The following PPFIA2 variants were observed in gnomAD, a reference collection of about 807,000 sequenced individuals.
PPFIA2 encodes the protein liprin-alpha-2.
Under a neutral mutation model 175.5 loss-of-function variants are expected in PPFIA2, and 46 were observed. That is an observed-to-expected ratio of 0.26 (90% CI 0.21 to 0.34). The LOEUF is 0.34. PPFIA2 is among the 10% of genes least tolerant of loss of function. The pLI is 1.00. For synonymous variants in PPFIA2, 568 were observed against 511.4 expected, an observed-to-expected ratio of 1.11 and a Z score of -1.49; for missense variants, 1,179 against 1,506.1, an observed-to-expected ratio of 0.78 and a Z score of 3.60.
intron 4 of PPFIA2, among the ~76,000 whole-genome samples, chr12:81,659,792 G>A (rs907054196): frequency 6.6e-6 from 1 of 152,154 alleles, no homozygotes; most frequent in Non-Finnish European, 1.5e-5. Context: ...TAGCCTAACT[G>A]GGAGGCACCC....
intron 17 of PPFIA2, among the ~76,000 whole-genome samples, chr12:81,352,434 ATCTC>A (rs749637858): frequency 1.1e-4 from 16 of 148,166 alleles, no homozygotes; most frequent in African/African-American, 2.7e-4. Flanking sequence ...TTAATGTTCT[ATCTC>A]TCTCTCTCCC....
At chr12:81,529,533 A>C (rs1444716844) in intron 4 of PPFIA2, among the ~76,000 whole-genome samples, 2 of 149,018 alleles carry the variant, frequency 1.3e-5, no homozygotes, top group Non-Finnish European at 3.0e-5. Context: ...ACACACACAC[A>C]CAAAGAGTGG....
chr12:81,480,649 C>T lies in PPFIA2; in HGVS notation c.304-22783G>A, dbSNP rs1040764342. Among the ~76,000 whole-genome samples, 9 of 152,206 alleles carry T rather than the reference C, an allele frequency of 5.9e-5. No individual in the cohort carries two copies. In the East Asian group the frequency reaches 1.2e-3, roughly 20 times the overall value. ...CTCTTCCTTTGTATTTGTTAGTTTT[C>T]CTTCTAACAGTCAGGCCCCTCTGCT... is the stretch of plus-strand genomic sequence containing the variant. On this transcript the variant is annotated intron_variant, in intron 4 of 32. Transcript: ENST00000549396.
chr12:81,628,118 T>A (rs7310991), intron 4 of PPFIA2, among the ~76,000 whole-genome samples: 1 of 152,132 alleles, frequency 6.6e-6, no homozygotes, highest in Non-Finnish European at 1.5e-5. Flanking sequence ...TCCAATGTTA[T>A]ACTTCATATA....
At chr12:81,448,924 T>C (rs563298974) in intron 5 of PPFIA2, among the ~76,000 whole-genome samples, 30 of 152,214 alleles carry the variant, frequency 2.0e-4, no homozygotes, top group Non-Finnish European at 4.4e-4. Context: ...TCATGATAGG[T>C]AATCAGAAAA....
chr12:81,750,613 G>A (rs1309617774), intron 3 of PPFIA2, among the ~76,000 whole-genome samples: 3 of 152,086 alleles, frequency 2.0e-5, no homozygotes. Context: ...AGGCCTGGAG[G>A]TGTGGAATGA....
chr12:81,273,833 G>A (rs906160321), intron 28 of PPFIA2, among the ~76,000 whole-genome samples: 4 of 151,714 alleles, frequency 2.6e-5, no homozygotes, highest in Non-Finnish European at 5.9e-5. Flanking sequence ...ATTTCTGCCC[G>A]AAGAAGGACA....
chr12:81,352,468 C>T (rs1241830561), intron 17 of PPFIA2, among the ~76,000 whole-genome samples: 1 of 151,344 alleles, frequency 6.6e-6, no homozygotes, highest in Non-Finnish European at 1.5e-5. Flanking sequence ...TTTCTGCCTC[C>T]CACTGCCTGC....
rs1443106419 is a variant in PPFIA2, at chr12:81,343,963, A to G, written c.2262+701T>C. Among the ~76,000 whole-genome samples the G allele has an allele frequency of 4.6e-5, 7 of 151,982 alleles. No homozygotes were observed. In the South Asian group the frequency reaches 6.2e-4, roughly 14 times the overall value. The stretch of plus-strand genomic sequence containing the variant: ...CAACTCACAGCCCATACTCTAAATC[A>G]TCTTCTCCATCTGGCTCTTACTCTC... On this transcript the variant is annotated intron_variant, in intron 19 of 32. Transcript: ENST00000549396.
intron 4 of PPFIA2, among the ~76,000 whole-genome samples, chr12:81,517,539 G>A (rs1242373979): frequency 6.6e-6 from 1 of 152,154 alleles, no homozygotes; most frequent in Non-Finnish European, 1.5e-5. Flanking sequence ...GACTGTGCTT[G>A]TTGGCAGATA....
intron 3 of PPFIA2, among the ~76,000 whole-genome samples, chr12:81,723,264 T>C (rs1394040941): frequency 6.6e-6 from 1 of 151,076 alleles, no homozygotes; most frequent in African/African-American, 2.4e-5. Context: ...TATTTAAATA[T>C]AAAAGATAAA....
chr12:81,547,048 G>T (rs1376072141), intron 4 of PPFIA2, among the ~76,000 whole-genome samples: 2 of 152,090 alleles, frequency 1.3e-5, no homozygotes, highest in African/African-American at 4.8e-5. Flanking sequence ...GAAGGGAAAA[G>T]AAAATAATAT....
intron 4 of PPFIA2, among the ~76,000 whole-genome samples, chr12:81,464,468 A>G (rs1354896108): frequency 1.3e-5 from 2 of 151,946 alleles, no homozygotes; most frequent in Non-Finnish European, 2.9e-5. Context: ...CAGTGGTTTC[A>G]CTCTTTTGTG....
chr12:81,463,537 A>G (rs887667831), intron 4 of PPFIA2, among the ~76,000 whole-genome samples: 2 of 152,088 alleles, frequency 1.3e-5, no homozygotes, highest in African/African-American at 4.8e-5. Flanking sequence ...AACAGTCAAG[A>G]TCTAGACCAC....
At chr12:81,614,982 A>C (rs2153473630) in intron 4 of PPFIA2, among the ~76,000 whole-genome samples, 1 of 152,346 alleles carries the variant, frequency 6.6e-6, no homozygotes, top group East Asian at 1.9e-4. Context: ...AGTATAAATT[A>C]AAATTACATC....
At position 81,361,128 on chromosome 12, in the gene PPFIA2, T is replaced by C. The variant is rs916588063; in HGVS notation, c.1637+1565A>G. ...AATCATCCTTCATTGTAGATAAATG[T>C]CACATTGTTAGGCTGCCCATAATGA... On this transcript the variant is annotated intron_variant, in intron 15 of 32. Coordinates refer to ENST00000549396, the MANE Select transcript of PPFIA2 (RefSeq NM_003625.5). 2.6e-5 allele frequency among the ~76,000 whole-genome samples: 4 copies of C among 151,780 alleles called. No individual in the cohort carries two copies. The Admixed American group carries it at 2.6e-4, about 10-fold the overall frequency.
At chr12:81,493,754 C>CTATATATATATA (rs5799531) in intron 4 of PPFIA2, among the ~76,000 whole-genome samples, 104 of 102,076 alleles carry the variant, frequency 1.0e-3, no homozygotes, top group African/African-American at 2.7e-3. Context: ...GTGTGTGTGT[C>CTATATATATATA]TATATATATA....
rs2059290087 is a variant in PPFIA2, at chr12:81,347,595, T to C, written c.2170A>G (p.Thr724Ala). The change falls in exon 18 of 33, where the codon ACT becomes GCT. Residue 724 changes from threonine (T) to alanine (A), a missense_variant. Transcript: ENST00000549396. Reference sequence around the variant, plus strand: ...GGGCTTCGAGGGGTGAGCTTTGGAGTTGAGTGTCCACTGGGGGGAGATGAA... The same window carrying C: ...GGGCTTCGAGGGGTGAGCTTTGGAGCTGAGTGTCCACTGGGGGGAGATGAA... ...ASSSPPSGHS[T>A]PKLTPRSPAR... The C allele has an allele frequency of 1.9e-6, 3 of 1,613,690 alleles. No individual in the cohort carries two copies. Among genetic ancestry groups the C allele is most frequent in the Non-Finnish European group, 2.5e-6 (3 of 1,179,752 alleles).
chr12:81,732,015 G>A (rs1317401787), intron 3 of PPFIA2, among the ~76,000 whole-genome samples: 1 of 151,564 alleles, frequency 6.6e-6, no homozygotes, highest in Non-Finnish European at 1.5e-5. Context: ...TCAAGCCTAT[G>A]TCACAGGATG....
Sources: allele counts gnomAD v4.1 joint callset (sites outside exome capture counted in the v4.1 genomes callset), GRCh38; gene constraint gnomAD v4.1.1; transcripts MANE v1.5; gene names NCBI Gene and HGNC (gene_info 2026-07-23, HGNC 2026-07-21).